Variants in SH2B1 observed in about 807,000 individuals in gnomAD.
The protein encoded by SH2B1 is SH2B adaptor protein 1.
A neutral mutation model predicts 62.6 loss-of-function variants in SH2B1; 15 were observed. The ratio of observed to expected loss-of-function variants is 0.24; its 90% CI spans 0.16 to 0.37. The LOEUF (loss-of-function observed/expected upper bound fraction) is 0.37. Among genes scored for constraint, SH2B1 ranks in the 10% least tolerant of loss-of-function variants. The pLI is 1.00. For synonymous variants in SH2B1, 443 were observed against 438.0 expected, an observed-to-expected ratio of 1.01 and a Z score of -0.14; for missense variants, 925 against 1,015.6, an observed-to-expected ratio of 0.91 and a Z score of 1.21.
At position 28,866,850 on chromosome 16, in the gene SH2B1, G is replaced by A; in HGVS notation, c.756G>A (p.Leu252=). ...CAGGGATGGTGCAGAGGGAAGAGCTGCTGAGTTTCATGGGGGCTGAGGAGG... is the reference window on the plus strand; with the variant it reads ...CAGGGATGGTGCAGAGGGAAGAGCTACTGAGTTTCATGGGGGCTGAGGAGG... ...DGAGMVQREE[L]LSFMGAEEAA... is the part of the protein sequence containing the mutation. The change falls in exon 1 of 8, where the codon CTG becomes CTA. Residue 252 remains leucine, a synonymous_variant. Transcript: ENST00000684370. This position sits in a 1 kb window ranked among gnomAD's most constrained non-coding sequence, Gnocchi z 6.3. 1 of 1,605,410 alleles carries A rather than the reference G, an allele frequency of 6.2e-7. No individual in the cohort carries two copies. The highest frequency in any genetic ancestry group is 8.5e-7 in the Non-Finnish European group (1 of 1,175,918).
chr16:28,867,286 C>G (rs1336471465), intron 1 of SH2B1, 45 bp from the exon 2 acceptor site: 4 of 1,484,400 alleles, frequency 2.7e-6, no homozygotes, highest in Non-Finnish European at 3.8e-6. Flanking sequence ...GAAGAGTGGT[C>G]TTTGGAAACC....
At chr16:28,855,901 G>A (rs1962314077) in intron 1 of SH2B1, among the ~76,000 whole-genome samples, 2 of 140,498 alleles carry the variant, frequency 1.4e-5, no homozygotes, top group African/African-American at 5.3e-5. Context: ...GTGATCCGCC[G>A]ACCTCGTGAT....
At position 28,865,179 on chromosome 16, in the gene SH2B1, C is replaced by T; in HGVS notation, c.-916C>T. The T allele has an allele frequency of 2.5e-5, 25 of 985,622 alleles. No homozygotes were observed. The highest frequency in any genetic ancestry group is 3.0e-5 in the Non-Finnish European group (25 of 829,968). The allele number at this position is 985,622 out of a possible 1,614,324, so 61.1% of individuals were successfully genotyped here. A position where few individuals can be genotyped will look rare whatever the true frequency, so the allele number is the denominator to read the frequency against. ...CCTGTGATGTTTTGTTTACGTGAGG[C>T]CAGCAAAGACTTGACCTGAGCCAAC... On this transcript the variant is annotated 5_prime_UTR_variant, in exon 1 of 8. Transcript: ENST00000684370.
chr16:28,872,829 G>A lies in SH2B1; in HGVS notation c.1897+124G>A, dbSNP rs1296030262. 7.8e-7 allele frequency: 1 copy of A among 1,280,708 alleles called. No individual in the cohort carries two copies. Among genetic ancestry groups the A allele is most frequent in the East Asian group, 2.5e-5 (1 of 39,854 alleles). The allele number at this position is 1,280,708 out of a possible 1,614,324, so 79.3% of individuals were successfully genotyped here. A position where few individuals can be genotyped will look rare whatever the true frequency, so the allele number is the denominator to read the frequency against. ...GGAGAAGCTTTGCTTGGGAGAGCAG[G>A]GTAGAGGAGGCTGTTGTGCCTCGGG... On this transcript the variant is annotated intron_variant, in intron 7 of 7. Coordinates refer to ENST00000684370, the MANE Select transcript of SH2B1 (RefSeq NM_001387430.1). This position sits in a 1 kb window ranked among gnomAD's most constrained non-coding sequence, Gnocchi z 5.3.
chr16:28,871,981 C>T lies in SH2B1; in HGVS notation c.1511C>T (p.Thr504Ile), dbSNP rs773301182. ...CCCTTGGACACTCCGGAAACAGCCA[C>T]AGGTACCGGAGGTGTGAGTGTGCAT... ...YPPLDTPETA[T>I]GSFLFQGEPE... is the part of the protein sequence containing the mutation. Residue 504 changes from threonine to isoleucine, a missense_variant and splice_region_variant, in exon 5 of 8, where the codon ACA (threonine) becomes ATA (isoleucine). Physicochemically the swap from Thr to Ile is moderately conservative, Grantham distance 89. Coordinates refer to ENST00000684370, the MANE Select transcript of SH2B1 (RefSeq NM_001387430.1). 23 of 1,592,910 alleles carry T rather than the reference C, an allele frequency of 1.4e-5. No homozygotes were observed. Among genetic ancestry groups the T allele is most frequent in the Non-Finnish European group, 1.9e-5 (22 of 1,161,132 alleles).
chr16:28,859,703 G>A (rs1366182541), upstream of SH2B1, among the ~76,000 whole-genome samples: 1 of 150,620 alleles, frequency 6.6e-6, no homozygotes, highest in Admixed American at 6.6e-5. Flanking sequence ...GCAAGACCCT[G>A]TATCAGGAAA....
intron 1 of SH2B1, among the ~76,000 whole-genome samples, chr16:28,850,878 AAG>A (rs1962081961): frequency 2.0e-5 from 3 of 146,506 alleles, no homozygotes; most frequent in African/African-American, 5.1e-5. Context: ...AAAAAAAAAA[AAG>A]GAAATTAAAA....
Position 28,872,047 on chromosome 16 carries a change from TG to T in SH2B1, c.1513+67del. On this transcript the variant is annotated intron_variant, in intron 5 of 7. Coordinates refer to ENST00000684370, the MANE Select transcript of SH2B1 (RefSeq NM_001387430.1). This position sits in a 1 kb window ranked among gnomAD's most constrained non-coding sequence, Gnocchi z 5.3. ...TGCCTACCTTCCTGACCACCTCTCC[TG>T]GGATCCCGAGGGAGCTGGCCCAGGG... 7.4e-7 allele frequency: 1 copy of T among 1,343,686 alleles called. No homozygotes were observed. The highest frequency in any genetic ancestry group is 1.1e-6 in the Non-Finnish European group (1 of 937,674). 83.2% of individuals were successfully genotyped at this position (1,343,686 alleles called of 1,614,324 possible). A position where few individuals can be genotyped will look rare whatever the true frequency, so the allele number is the denominator to read the frequency against.
rs751814291 is a variant in SH2B1 at position 28,873,482 on chromosome 16, G to A, written c.1933G>A (p.Glu645Lys). ...TTSHDPPQPP[E>K]PPSWTDPPQP... is the part of the protein sequence containing the mutation. ...CTCCCATGACCCACCCCAGCCCCCT[G>A]AACCCCCTTCATGGACAGATCCCCC... Residue 645 changes from glutamate to lysine, a missense_variant, in exon 8 of 8, where the codon GAA becomes AAA. By Grantham distance (56) the Glu-to-Lys change is moderately conservative. This residue lies in a region of SH2B1 where 185 missense variants were observed against 189.5 expected (regional missense o/e 0.98). Coordinates refer to ENST00000684370, the MANE Select transcript of SH2B1 (RefSeq NM_001387430.1). The surrounding 1 kb of genome is among the most constrained non-coding windows in gnomAD (Gnocchi z 4.2). The A allele has an allele frequency of 6.4e-7, 1 of 1,566,568 alleles. No homozygotes were observed. The highest frequency in any genetic ancestry group is 2.3e-5 in the East Asian group (1 of 43,898).
At chr16:28,855,913 C>T (rs1171138704) in intron 1 of SH2B1, among the ~76,000 whole-genome samples, 1 of 145,970 alleles carries the variant, frequency 6.9e-6, no homozygotes, top group Non-Finnish European at 1.5e-5. Context: ...CCTCGTGATC[C>T]GCCTGCCTCG....
In SH2B1 at chr16:28,852,646, T is replaced by G. The variant is rs374004752; in HGVS notation, c.-301+5819T>G. ...TATTTATATATATACACATATATAT[T>G]TATATATATACACATATATATTTAT... On this transcript the variant is annotated intron_variant, in intron 1 of 10. Coordinates refer to the SH2B1 transcript ENST00000322610. Among the ~76,000 whole-genome samples, 78 of 73,608 alleles carry G rather than the reference T, an allele frequency of 1.1e-3. 5 individuals are homozygous for G. The highest frequency in any genetic ancestry group is 4.2e-3 in the African/African-American group (49 of 11,796). The allele number at this position is 73,608 out of a possible 152,430, so 48.3% of individuals were successfully genotyped here.
rs201621467 is a variant in SH2B1 at position 28,866,774 on chromosome 16, G to A, written c.680G>A (p.Arg227His). The A allele has an allele frequency of 8.9e-6, 14 of 1,580,472 alleles. No individual in the cohort carries two copies. The African/African-American group carries it at 1.1e-4, about 12-fold the overall frequency. Residue 227 changes from arginine (R) to histidine (H), a missense_variant, in exon 1 of 8, where the codon CGT (arginine) becomes CAT (histidine). Arg to His is a conservative substitution (Grantham distance 29). Around this residue, in one of 3 missense-constraint regions of SH2B1, gnomAD observed 683 missense variants for 704.0 expected, o/e 0.97. Coordinates refer to ENST00000684370, the MANE Select transcript of SH2B1 (RefSeq NM_001387430.1). The surrounding 1 kb of genome is among the most constrained non-coding windows in gnomAD (Gnocchi z 6.3). Reference sequence around the variant, plus strand: ...TCCCCTGGGGAAAGATGGACTCACCGTTTTGAGAGGCTGAGACTCAGTCGG... The same window carrying A: ...TCCCCTGGGGAAAGATGGACTCACCATTTTGAGAGGCTGAGACTCAGTCGG... The part of the protein sequence containing the change: ...GTSPGERWTH[R>H]FERLRLSRGG...
At chr16:28,855,152 C>G (rs773258195) in intron 1 of SH2B1, among the ~76,000 whole-genome samples, 4 of 151,554 alleles carry the variant, frequency 2.6e-5, no homozygotes, top group Non-Finnish European at 4.4e-5. Context: ...GGGTGCCTTA[C>G]AAGTGTGAGA....
At position 28,873,397 on chromosome 16, in the gene SH2B1, G is replaced by A; in HGVS notation, c.1898-50G>A. On this transcript the variant is annotated intron_variant, in intron 7 of 7. Transcript: ENST00000684370. The surrounding 1 kb of genome is among the most constrained non-coding windows in gnomAD (Gnocchi z 4.2). Reference sequence around the variant, plus strand: ...CTGAGTGAAGGGGAGGCCACGGCAGGAGCTCACCTGCCTCCACAATCAGTC... The same window carrying A: ...CTGAGTGAAGGGGAGGCCACGGCAGAAGCTCACCTGCCTCCACAATCAGTC... 1 of 1,579,966 alleles carries A rather than the reference G, an allele frequency of 6.3e-7. No individual in the cohort carries two copies. The highest frequency in any genetic ancestry group is 1.1e-5 in the South Asian group (1 of 88,510).
intron 2 of SH2B1, among the ~76,000 whole-genome samples, chr16:28,868,105 C>T (rs959725875): frequency 6.6e-6 from 1 of 152,046 alleles, no homozygotes; most frequent in Admixed American, 6.5e-5. Flanking sequence ...GGATCACAGG[C>T]GTGAGCCACT....
chr16:28,856,483 CATTATCTACA>C (rs1962326905), intron 1 of SH2B1, among the ~76,000 whole-genome samples: 1 of 151,800 alleles, frequency 6.6e-6, no homozygotes, highest in African/African-American at 2.4e-5. Flanking sequence ...CCCTCAGCTT[CATTATCTACA>C]AATTGGGGGT....
intron 1 of SH2B1, 136 bp from the exon 2 acceptor site, chr16:28,867,195 C>A: frequency 1.6e-6 from 2 of 1,230,086 alleles, no homozygotes; most frequent in Admixed American, 1.8e-5. Context: ...CAGCTGCGGG[C>A]AGGACTGAGA....
Position 28,865,303 on chromosome 16 carries a change from G to A in SH2B1, c.-792G>A, listed in dbSNP as rs561051168. ...ATTTCACATCTCCTTCACGCAGTGC[G>A]TGGGTGCTGGACTCTGGGGTCAGCT... On this transcript the variant is annotated 5_prime_UTR_variant, in exon 1 of 8. In the 5' UTR this introduces an upstream ATG that the reference lacks. Coordinates refer to ENST00000684370, the MANE Select transcript of SH2B1 (RefSeq NM_001387430.1). The A allele has an allele frequency of 1.6e-5, 16 of 985,708 alleles. No individual in the cohort carries two copies. In the African/African-American group the frequency reaches 2.3e-4, roughly 14 times the overall value. The allele number at this position is 985,708 out of a possible 1,614,324, so 61.1% of individuals were successfully genotyped here.
intron 1 of SH2B1, among the ~76,000 whole-genome samples, chr16:28,848,688 T>TG (rs1962037451): frequency 7.8e-6 from 1 of 127,500 alleles, no homozygotes; most frequent in Non-Finnish European, 1.8e-5. Context: ...TTTTTTTTTT[T>TG]TTGAGACAGA....
Sources: allele counts gnomAD v4.1 joint callset (sites outside exome capture counted in the v4.1 genomes callset), GRCh38; gene constraint gnomAD v4.1.1; regional missense constraint gnomAD v4.1.1; non-coding constraint Gnocchi (gnomAD v3.1); transcripts MANE v1.5; gene names NCBI Gene and HGNC (gene_info 2026-07-23, HGNC 2026-07-21).